Variants in RSU1 observed in about 807,000 individuals in gnomAD.
RSU1 encodes the protein Ras suppressor protein 1, also known as rsu-1.
RSU1 carries 26 observed loss-of-function variants against 31.1 expected under a neutral mutation model. The observed-to-expected ratio is 0.84, with a 90% confidence interval of 0.61 to 1.16. The LOEUF (loss-of-function observed/expected upper bound fraction) is 1.16, where lower values mean the gene tolerates loss of function less well. Ranked by LOEUF, RSU1 falls within the 50% of genes most tolerant of loss-of-function variation. The probability of loss-of-function intolerance (pLI) is 0.00; values close to 1 mark genes in which losing one functional copy is unlikely to be tolerated. For synonymous variants in RSU1, 164 were observed against 136.3 expected, an observed-to-expected ratio of 1.20 and a Z score of -1.41; for missense variants, 320 against 339.1, an observed-to-expected ratio of 0.94 and a Z score of 0.44.
chr10:16,776,729 A>C (rs1272441076), intron 3 of RSU1, among the ~76,000 whole-genome samples: 1 of 152,006 alleles, frequency 6.6e-6, no homozygotes, highest in African/African-American at 2.4e-5. Flanking sequence ...ATGTTTGCAC[A>C]GAGCAAAAAG....
rs750374630 is a variant in RSU1 at position 16,676,931 on chromosome 10, A to C, written c.731+18092T>G. Reference sequence around the variant, plus strand: ...AATTAGAATCAGGGTGAATTGCAGGAAGCTAGCCCTGAGGGACTAAGGAGC... The same window carrying C: ...AATTAGAATCAGGGTGAATTGCAGGCAGCTAGCCCTGAGGGACTAAGGAGC... On this transcript the variant is annotated intron_variant, in intron 8 of 8. Transcript: ENST00000345264. Among the ~76,000 whole-genome samples, 112 of 152,180 alleles carry C rather than the reference A, an allele frequency of 7.4e-4. 1 individual carries two copies. The highest frequency in any genetic ancestry group is 4.5e-3 in the Admixed American group (69 of 15,278).
chr10:16,665,042 T>C (rs1404577929), intron 8 of RSU1, among the ~76,000 whole-genome samples: 1 of 152,032 alleles, frequency 6.6e-6, no homozygotes, highest in East Asian at 1.9e-4. Context: ...CTCCCAGGTT[T>C]AAGCAATTCT....
rs553531294 is a variant in RSU1, at chr10:16,782,653, C to T, written c.110-569G>A. Reference sequence around the variant, plus strand: ...TTTCTTCTAAACATATTTTGGTTGACATTTCAAAGCACTGATTTGAAATGC... The same window carrying T: ...TTTCTTCTAAACATATTTTGGTTGATATTTCAAAGCACTGATTTGAAATGC... On this transcript the variant is annotated intron_variant, in intron 2 of 8. Coordinates refer to ENST00000345264, the MANE Select transcript of RSU1 (RefSeq NM_012425.4). Among the ~76,000 whole-genome samples, 22 of 152,234 alleles carry T rather than the reference C, an allele frequency of 1.4e-4. No individual in the cohort carries two copies. In the South Asian group the frequency reaches 4.4e-3, roughly 30 times the overall value.
intron 8 of RSU1, among the ~76,000 whole-genome samples, chr10:16,652,438 T>C (rs539431868): frequency 1.4e-5 from 2 of 139,600 alleles, no homozygotes; most frequent in Non-Finnish European, 3.1e-5. Context: ...AAATGAGCCA[T>C]TCTTAAGTGG....
intron 7 of RSU1, among the ~76,000 whole-genome samples, chr10:16,711,688 A>AAAGTATCC (rs760539009): frequency 2.0e-5 from 3 of 152,168 alleles, no homozygotes; most frequent in Non-Finnish European, 4.4e-5. Flanking sequence ...CACGTATTTC[A>AAAGTATCC]AAGTATCCAA....
chr10:16,686,715 AAG>A (rs1260859346), intron 8 of RSU1, among the ~76,000 whole-genome samples: 4 of 152,168 alleles, frequency 2.6e-5, no homozygotes, highest in African/African-American at 7.2e-5. Flanking sequence ...GAACAGGGGA[AAG>A]AGGGGACTGG....
chr10:16,692,175 A>G (rs775465449), intron 8 of RSU1, among the ~76,000 whole-genome samples: 1 of 152,230 alleles, frequency 6.6e-6, no homozygotes, highest in African/African-American at 2.4e-5. Flanking sequence ...CCCCCAAAAT[A>G]GGATGCTAAT....
chr10:16,698,221 G>A (rs4301698), intron 7 of RSU1, among the ~76,000 whole-genome samples: 1 of 151,936 alleles, frequency 6.6e-6, no homozygotes, highest in East Asian at 1.9e-4. Flanking sequence ...ATGAGGGGAA[G>A]AGACTCCTCT....
intron 8 of RSU1, among the ~76,000 whole-genome samples, chr10:16,601,588 C>T (rs1168292331): frequency 6.6e-6 from 1 of 152,154 alleles, no homozygotes; most frequent in African/African-American, 2.4e-5. Context: ...AGGTGACTTC[C>T]CTTCCCAGTG....
chr10:16,785,725 CTG>C (rs1465849077), intron 2 of RSU1, among the ~76,000 whole-genome samples: 3 of 130,428 alleles, frequency 2.3e-5, no homozygotes, highest in Non-Finnish European at 3.2e-5. Flanking sequence ...CGCAGAAACA[CTG>C]TGCTCTTGTC....
At chr10:16,766,223 G>T (rs3780978) in intron 3 of RSU1, among the ~76,000 whole-genome samples, 25,822 of 152,216 alleles carry the variant, frequency 0.17, 2,266 homozygotes, top group Middle Eastern at 0.22. Context: ...AGTGGCCGTT[G>T]ATAAAAGAAC....
At chr10:16,768,600 AG>A (rs1260322386) in intron 3 of RSU1, among the ~76,000 whole-genome samples, 1 of 152,332 alleles carries the variant, frequency 6.6e-6, no homozygotes, top group East Asian at 1.9e-4. Flanking sequence ...TGTTTTGGAA[AG>A]GTGACAAGGA....
At chr10:16,694,976 A>C (rs1052242836) in intron 8 of RSU1, 47 bp downstream of exon 8, 3 of 1,520,342 alleles carry the variant, frequency 2.0e-6, no homozygotes, top group Non-Finnish European at 2.7e-6. Flanking sequence ...AATTATAAAT[A>C]CTATAAAATC....
At chr10:16,654,097 G>A (rs898458408) in intron 8 of RSU1, among the ~76,000 whole-genome samples, 2 of 151,678 alleles carry the variant, frequency 1.3e-5, no homozygotes, top group African/African-American at 2.4e-5. Flanking sequence ...CTGCCTCCCG[G>A]GCTCAAGCGA....
chr10:16,743,721 G>T (rs1564341195), intron 7 of RSU1, among the ~76,000 whole-genome samples: 1 of 152,074 alleles, frequency 6.6e-6, no homozygotes, highest in African/African-American at 2.4e-5. Flanking sequence ...GTTGGGGAAG[G>T]TAATTACCCC....
At chr10:16,737,812 C>A (rs1321261163) in intron 7 of RSU1, among the ~76,000 whole-genome samples, 1 of 150,992 alleles carries the variant, frequency 6.6e-6, no homozygotes, top group Non-Finnish European at 1.5e-5. Context: ...TGTAACCTAA[C>A]ATTTATGGAA....
intron 8 of RSU1, among the ~76,000 whole-genome samples, chr10:16,675,957 CA>C (rs1835221961): frequency 6.6e-6 from 1 of 152,138 alleles, no homozygotes; most frequent in African/African-American, 2.4e-5. Context: ...GCTAATAAAA[CA>C]AAGACAAAGA....
intron 8 of RSU1, among the ~76,000 whole-genome samples, chr10:16,668,184 T>C (rs1406630801): frequency 6.6e-6 from 1 of 152,176 alleles, no homozygotes; most frequent in African/African-American, 2.4e-5. Flanking sequence ...ATTCACCTCA[T>C]AGAGTTATCA....
At chr10:16,694,595 AG>A (rs1835635129) in intron 8 of RSU1, among the ~76,000 whole-genome samples, 1 of 152,122 alleles carries the variant, frequency 6.6e-6, no homozygotes, top group Non-Finnish European at 1.5e-5. Flanking sequence ...CTTTTGAGAA[AG>A]GGTCGTGCTC....
Sources: gnomAD v4.1 joint callset for allele counts (sites outside exome capture counted in the v4.1 genomes callset) on GRCh38, gnomAD v4.1.1 for gene constraint, MANE v1.5 for transcripts, NCBI Gene and HGNC (gene_info 2026-07-23, HGNC 2026-07-21) for gene names.